KCNK2: variants seen among roughly 807,000 people sequenced by gnomAD.
KCNK2 encodes potassium channel subfamily K member 2.
In KCNK2, 21 loss-of-function variants were observed where a neutral mutation model predicts 40.5. The observed-to-expected ratio is 0.52, with a 90% CI of 0.37 to 0.75. The LOEUF is 0.75. Among genes scored for constraint, KCNK2 ranks in the 30% least tolerant of loss-of-function variants. The probability of loss-of-function intolerance (pLI) is 0.00; values close to 1 mark genes in which losing one functional copy is unlikely to be tolerated. For missense variants in KCNK2, 399 were observed against 531.6 expected (o/e 0.75, Z 2.45); for synonymous variants, 191 against 202.2 (o/e 0.94, Z 0.47).
At chr1:215,059,163 A>T (rs1277057025) in intron 1 of KCNK2, among the ~76,000 whole-genome samples, 1 of 145,490 alleles carries the variant, frequency 6.9e-6, no homozygotes, top group Non-Finnish European at 1.6e-5. Context: ...ATATATACAC[A>T]CACACATACA....
At chr1:215,054,376 A>G (rs1392905847) in intron 1 of KCNK2, among the ~76,000 whole-genome samples, 1 of 152,180 alleles carries the variant, frequency 6.6e-6, no homozygotes, top group Non-Finnish European at 1.5e-5. Context: ...AACTGGTGAG[A>G]GTTTTTCAAA....
At chr1:215,125,796 A>G (rs1314513691) in intron 3 of KCNK2, among the ~76,000 whole-genome samples, 1 of 146,754 alleles carries the variant, frequency 6.8e-6, no homozygotes, top group East Asian at 2.0e-4. Context: ...ATTTGAAAAA[A>G]AAAAAAAGAA....
chr1:215,134,306 A>T (rs938269566), intron 3 of KCNK2, among the ~76,000 whole-genome samples: 2 of 151,996 alleles, frequency 1.3e-5, no homozygotes, highest in African/African-American at 4.8e-5. Context: ...GACTGTCCCC[A>T]CTCCACATGC....
chr1:215,183,558 C>T (rs769519604), intron 5 of KCNK2, among the ~76,000 whole-genome samples: 15 of 152,170 alleles, frequency 9.9e-5, no homozygotes, highest in South Asian at 6.2e-4. Context: ...TTCTCTTTTT[C>T]GCAATTATAT....
chr1:215,025,602 TGTGA>T (rs1030498977), intron 1 of KCNK2, among the ~76,000 whole-genome samples: 4 of 151,792 alleles, frequency 2.6e-5, no homozygotes, highest in African/African-American at 9.7e-5. Flanking sequence ...TACACATATA[TGTGA>T]GTATGTTTTT....
intron 2 of KCNK2, among the ~76,000 whole-genome samples, chr1:215,111,618 A>G (rs1379293475): frequency 6.6e-6 from 1 of 151,708 alleles, no homozygotes; most frequent in Admixed American, 6.6e-5. Flanking sequence ...TTTATATTTT[A>G]TGTCTCTTGT....
At chr1:215,212,283 TA>T (rs1164242407) in intron 6 of KCNK2, among the ~76,000 whole-genome samples, 3 of 152,130 alleles carry the variant, frequency 2.0e-5, no homozygotes, top group Non-Finnish European at 4.4e-5. Flanking sequence ...AGCTAAAGAG[TA>T]CCCACTTCCT....
chr1:215,148,993 C>T (rs1662563708), intron 3 of KCNK2, among the ~76,000 whole-genome samples: 1 of 152,076 alleles, frequency 6.6e-6, no homozygotes, highest in African/African-American at 2.4e-5. Flanking sequence ...AGCAATGGTA[C>T]ACCGGGGAGT....
intron 1 of KCNK2, among the ~76,000 whole-genome samples, chr1:215,012,572 A>C (rs1656441588): frequency 6.6e-6 from 1 of 151,592 alleles, no homozygotes; most frequent in South Asian, 2.1e-4. Context: ...TCTGGGCTCA[A>C]GTGATCCTCC....
chr1:215,226,408 C>T (rs1333265464), intron 6 of KCNK2, among the ~76,000 whole-genome samples: 1 of 152,116 alleles, frequency 6.6e-6, no homozygotes, highest in Non-Finnish European at 1.5e-5. Context: ...TCACTGTAAC[C>T]TCCGCCTCCC....
chr1:215,010,536 T>C (rs1186065804), intron 1 of KCNK2, among the ~76,000 whole-genome samples: 1 of 152,180 alleles, frequency 6.6e-6, no homozygotes. Context: ...AAACAGACTC[T>C]AAGGTTAGAC....
At chr1:215,086,196 C>T (rs895983705) in intron 1 of KCNK2, among the ~76,000 whole-genome samples, 172 bp from the exon 2 acceptor site, 2 of 152,262 alleles carry the variant, frequency 1.3e-5, no homozygotes, top group South Asian at 2.1e-4. Context: ...TTTCCTTGAA[C>T]CCATATATGT....
At chr1:215,045,170 C>T (rs1477533337) in intron 1 of KCNK2, among the ~76,000 whole-genome samples, 2 of 149,688 alleles carry the variant, frequency 1.3e-5, no homozygotes, top group Admixed American at 6.7e-5. Flanking sequence ...GGCGACAGAG[C>T]GAGACTCCGT....
chr1:215,141,380 C>G (rs1335391313), intron 3 of KCNK2, among the ~76,000 whole-genome samples: 3 of 152,064 alleles, frequency 2.0e-5, no homozygotes, highest in Non-Finnish European at 4.4e-5. Context: ...AGCATCACCA[C>G]AAACGTGGGT....
chr1:215,207,219 C>T (rs1201248326), intron 6 of KCNK2, among the ~76,000 whole-genome samples: 1 of 152,108 alleles, frequency 6.6e-6, no homozygotes, highest in Non-Finnish European at 1.5e-5. Context: ...AGGAGGTGAA[C>T]GGTGGGTGAG....
chr1:215,010,774 T>G (rs1656347189), intron 1 of KCNK2, among the ~76,000 whole-genome samples: 1 of 151,830 alleles, frequency 6.6e-6, no homozygotes, highest in Non-Finnish European at 1.5e-5. Context: ...TTCATGTTTT[T>G]AAGGTTTGTT....
intron 5 of KCNK2, among the ~76,000 whole-genome samples, chr1:215,183,199 A>G (rs1339402): frequency 0.15 from 22,262 of 152,130 alleles, 3,616 homozygotes; most frequent in African/African-American, 0.4. Context: ...TTGGGGAAAA[A>G]AATGAATCTA....
Position 215,083,194 on chromosome 1 carries a change from T to TGCCCCCCC in KCNK2, c.-192_-191insGCCCCCCC. 18 of 501,814 alleles carry TGCCCCCCC rather than the reference T, an allele frequency of 3.6e-5. No homozygotes were observed. The highest frequency in any genetic ancestry group is 3.4e-5 in the Admixed American group (1 of 29,534). 31.1% of individuals were successfully genotyped at this position (501,814 alleles called of 1,614,324 possible). A position where few individuals can be genotyped will look rare whatever the true frequency, so the allele number is the denominator to read the frequency against. ...CCCGCGATTTCGTTTCTTCTCACGCTCCCCCCCCCGCCCCCTCCCGCGTCC... is the reference window on the plus strand; with the variant it reads ...CCCGCGATTTCGTTTCTTCTCACGCTGCCCCCCCCCCCCCCCCGCCCCCTCCCGCGTCC... On this transcript the variant is annotated 5_prime_UTR_variant, in exon 1 of 7. Transcript: ENST00000444842.
Position 215,235,980 on chromosome 1 carries a change from T to C in KCNK2, c.*835T>C, listed in dbSNP as rs553808861. The C allele has an allele frequency of 6.6e-6, 1 of 152,604 alleles. No homozygotes were observed. Among genetic ancestry groups the C allele is most frequent in the Non-Finnish European group, 1.5e-5 (1 of 68,038 alleles). 9.5% of individuals were successfully genotyped at this position (152,604 alleles called of 1,614,324 possible). A position where few individuals can be genotyped will look rare whatever the true frequency, so the allele number is the denominator to read the frequency against. On this transcript the variant is annotated 3_prime_UTR_variant, in exon 7 of 7. Transcript: ENST00000444842. ...GGCTGCTCGCAAACAATCCCCTTTT[T>C]TCCTGGCAGTATTTGGAATTTATCA...
Sources: gnomAD v4.1 joint callset for allele counts (sites outside exome capture counted in the v4.1 genomes callset) on GRCh38, gnomAD v4.1.1 for gene constraint, MANE v1.5 for transcripts, NCBI Gene and HGNC (gene_info 2026-07-23, HGNC 2026-07-21) for gene names.